Variants in PDCD10 observed in about 807,000 individuals in gnomAD.
The protein encoded by PDCD10 is programmed cell death protein 10.
In PDCD10, 4 loss-of-function variants were observed where a neutral mutation model predicts 29.2. That is an observed-to-expected ratio of 0.14 (90% CI 0.07 to 0.31). PDCD10 has a LOEUF of 0.31. Ranked by LOEUF, PDCD10 falls within the 10% of genes least tolerant of loss-of-function variation. The pLI is 1.00. For missense variants in PDCD10, 183 were observed against 257.9 expected, an observed-to-expected ratio of 0.71 and a Z score of 1.99; for synonymous variants, 70 against 82.2, an observed-to-expected ratio of 0.85 and a Z score of 0.80.
chr3:167,719,710 G>A (rs528416919), intron 3 of PDCD10, among the ~76,000 whole-genome samples: 4 of 151,994 alleles, frequency 2.6e-5, no homozygotes, highest in African/African-American at 7.2e-5. Context: ...TAGGATATAT[G>A]TCTCTTCTTA....
chr3:167,720,521 A>C (rs1723460793), intron 2 of PDCD10, among the ~76,000 whole-genome samples: 1 of 152,098 alleles, frequency 6.6e-6, no homozygotes, highest in Admixed American at 6.6e-5. Context: ...ACGCTGCTTA[A>C]CCTGAACTCA....
At chr3:167,700,548 A>G (rs1344548254) in intron 4 of PDCD10, among the ~76,000 whole-genome samples, 1 of 152,074 alleles carries the variant, frequency 6.6e-6, no homozygotes, top group East Asian at 1.9e-4. Flanking sequence ...AGGTACAAAA[A>G]CCTTGCATGT....
chr3:167,691,312 T>C (rs2108388037), intron 6 of PDCD10, among the ~76,000 whole-genome samples: 1 of 152,306 alleles, frequency 6.6e-6, no homozygotes, highest in East Asian at 1.9e-4. Context: ...CCAGGGCAAA[T>C]TATCCCTCCT....
chr3:167,732,563 TA>T (rs147684678), intron 2 of PDCD10, among the ~76,000 whole-genome samples: 41,860 of 151,994 alleles, frequency 0.28, 6,403 homozygotes, highest in African/African-American at 0.41. Context: ...ATACAAACAT[TA>T]ATCCACCATC....
In PDCD10 at chr3:167,690,811, AT is replaced by A. The variant is rs1559947870; in HGVS notation, c.396-3119del. Among the ~76,000 whole-genome samples the A allele has an allele frequency of 2.0e-5, 3 of 152,330 alleles. No individual in the cohort carries two copies. In the East Asian group the frequency reaches 5.8e-4, roughly 29 times the overall value. ...TCATTTCTTTCAATTCTCACAAGTC[AT>A]TACCCTCATTTTCAGAGGCACAAAC... On this transcript the variant is annotated intron_variant, in intron 6 of 8. Transcript: ENST00000392750.
At chr3:167,695,563 A>C in intron 6 of PDCD10, 33 bp downstream of exon 6, 1 of 1,604,414 alleles carries the variant, frequency 6.2e-7, no homozygotes, top group Non-Finnish European at 8.5e-7. Context: ...AGTACTTTTA[A>C]GAAAAGAAGA....
intron 3 of PDCD10, among the ~76,000 whole-genome samples, chr3:167,706,224 A>G (rs532831011): frequency 4.3e-4 from 65 of 152,366 alleles, no homozygotes; most frequent in South Asian, 4.1e-3. Flanking sequence ...TACAAAAAGA[A>G]TAAGTCACAG....
intron 8 of PDCD10, among the ~76,000 whole-genome samples, chr3:167,685,529 A>G (rs886822067): frequency 6.6e-6 from 1 of 152,200 alleles, no homozygotes; most frequent in African/African-American, 2.4e-5. Flanking sequence ...GGAAACAGGT[A>G]TAAAACTCAA....
At chr3:167,708,738 T>C (rs1722246722) in intron 3 of PDCD10, among the ~76,000 whole-genome samples, 1 of 152,214 alleles carries the variant, frequency 6.6e-6, no homozygotes, top group Non-Finnish European at 1.5e-5. Flanking sequence ...TTCTGTGGGC[T>C]GCCAAGCTGT....
intron 4 of PDCD10, among the ~76,000 whole-genome samples, chr3:167,704,163 C>T (rs900580499): frequency 6.6e-6 from 1 of 152,156 alleles, no homozygotes; most frequent in African/African-American, 2.4e-5. Context: ...GTTTTTTAGA[C>T]TCATGTTCTA....
intron 3 of PDCD10, among the ~76,000 whole-genome samples, chr3:167,715,370 A>G (rs1421220352): frequency 2.0e-5 from 3 of 151,946 alleles, no homozygotes; most frequent in Non-Finnish European, 2.9e-5. Context: ...AATTTCTTAC[A>G]TAATACCCCA....
At chr3:167,715,500 AC>A (rs1379154306) in intron 3 of PDCD10, among the ~76,000 whole-genome samples, 1 of 151,846 alleles carries the variant, frequency 6.6e-6, no homozygotes, top group Non-Finnish European at 1.5e-5. Flanking sequence ...AAAATTGCAA[AC>A]TGTCACTCTA....
chr3:167,697,228 TAA>T, intron 4 of PDCD10, 102 bp from the exon 5 acceptor site: 1 of 718,592 alleles, frequency 1.4e-6, no homozygotes, highest in South Asian at 1.5e-5. Context: ...CTTACACTGA[TAA>T]CTTTTAAGGG....
chr3:167,717,128 G>A (rs1303036223), intron 3 of PDCD10, among the ~76,000 whole-genome samples: 1 of 151,988 alleles, frequency 6.6e-6, no homozygotes, highest in Non-Finnish European at 1.5e-5. Context: ...GATTAAACAA[G>A]AAGCCTACTT....
chr3:167,700,230 T>C (rs2108421688), intron 4 of PDCD10, among the ~76,000 whole-genome samples: 1 of 152,298 alleles, frequency 6.6e-6, no homozygotes, highest in African/African-American at 2.4e-5. Flanking sequence ...GCCATGTGAC[T>C]CTAATCAACT....
intron 6 of PDCD10, among the ~76,000 whole-genome samples, chr3:167,693,936 A>G (rs1014386212): frequency 6.6e-6 from 1 of 152,160 alleles, no homozygotes; most frequent in Non-Finnish European, 1.5e-5. Flanking sequence ...AGCCTGGGTG[A>G]CAGAGTGAAG....
chr3:167,709,217 G>A (rs1722290243), intron 3 of PDCD10, among the ~76,000 whole-genome samples: 1 of 151,858 alleles, frequency 6.6e-6, no homozygotes, highest in African/African-American at 2.4e-5. Context: ...GGTCCCCTCT[G>A]CAGGAATACC....
chr3:167,726,851 C>A (rs889260708), intron 2 of PDCD10, among the ~76,000 whole-genome samples: 4 of 152,112 alleles, frequency 2.6e-5, no homozygotes, highest in African/African-American at 4.8e-5. Flanking sequence ...TCTTGCCTCA[C>A]CCTAGTCCTG....
chr3:167,717,135 A>T lies in PDCD10; in HGVS notation c.96+2927T>A, dbSNP rs912387413. 9.2e-5 allele frequency among the ~76,000 whole-genome samples: 14 copies of T among 152,156 alleles called. 1 individual carries two copies. In the East Asian group the frequency reaches 2.7e-3, roughly 29 times the overall value. Reference sequence around the variant, plus strand: ...CAGCAGCTGATTAAACAAGAAGCCTACTTCTTCTCAGCTGTCCTGGCATAG... The same window carrying T: ...CAGCAGCTGATTAAACAAGAAGCCTTCTTCTTCTCAGCTGTCCTGGCATAG... On this transcript the variant is annotated intron_variant, in intron 3 of 8. Transcript: ENST00000392750.
Sources: gnomAD v4.1 joint callset for allele counts (sites outside exome capture counted in the v4.1 genomes callset) on GRCh38, gnomAD v4.1.1 for gene constraint, MANE v1.5 for transcripts, NCBI Gene and HGNC (gene_info 2026-07-23, HGNC 2026-07-21) for gene names.